IFT56: variants seen among roughly 807,000 people sequenced by gnomAD.
IFT56 encodes intraflagellar transport protein 56.
the IFT56 span, among the ~76,000 whole-genome samples, chr7:139,141,465 A>T: frequency 6.6e-6 from 1 of 152,144 alleles, no homozygotes; most frequent in African/African-American, 2.4e-5. Context: ...ATTATTTCAT[A>T]GGTACTAATG....
the IFT56 span, among the ~76,000 whole-genome samples, chr7:139,163,784 G>A: frequency 6.6e-6 from 1 of 152,122 alleles, no homozygotes; most frequent in African/African-American, 2.4e-5. Context: ...AGAAGTCATG[G>A]GATCAAGAAG....
chr7:139,156,990 C>T, the IFT56 span, among the ~76,000 whole-genome samples: 1 of 152,052 alleles, frequency 6.6e-6, no homozygotes, highest in South Asian at 2.1e-4. Context: ...AACAAGCCTG[C>T]CAAATCCAAA....
At chr7:139,138,592 A>C in the IFT56 span, among the ~76,000 whole-genome samples, 1 of 152,188 alleles carries the variant, frequency 6.6e-6, no homozygotes, top group Non-Finnish European at 1.5e-5. Flanking sequence ...AGCATTTATT[A>C]AGTCAATCTT....
the IFT56 span, among the ~76,000 whole-genome samples, chr7:139,171,244 T>C: frequency 6.6e-6 from 1 of 152,184 alleles, no homozygotes; most frequent in African/African-American, 2.4e-5. Flanking sequence ...GGAGAATCAA[T>C]GTTGTTAAAA....
the IFT56 span, among the ~76,000 whole-genome samples, chr7:139,180,043 T>C: frequency 2.0e-5 from 3 of 152,226 alleles, no homozygotes; most frequent in African/African-American, 7.2e-5. Flanking sequence ...TTTTGGTATA[T>C]TATAGAACTT....
the IFT56 span, among the ~76,000 whole-genome samples, chr7:139,134,373 C>T: frequency 6.6e-6 from 1 of 151,612 alleles, no homozygotes; most frequent in African/African-American, 2.4e-5. Flanking sequence ...TAGGTTCAAG[C>T]GTTTCTTCTG....
the IFT56 span, among the ~76,000 whole-genome samples, chr7:139,185,291 A>T: frequency 2.6e-5 from 4 of 152,054 alleles, no homozygotes; most frequent in Non-Finnish European, 4.4e-5. Flanking sequence ...ACCATCATCA[A>T]CATACACGGT....
chr7:139,164,054 T>A, the IFT56 span, among the ~76,000 whole-genome samples: 150 of 152,346 alleles, frequency 9.8e-4, 1 homozygote, highest in Admixed American at 9.5e-3. Flanking sequence ...AGCTTTTCTC[T>A]GTAACACTTA....
chr7:139,142,582 C>T, the IFT56 span, among the ~76,000 whole-genome samples: 1 of 152,202 alleles, frequency 6.6e-6, no homozygotes, highest in African/African-American at 2.4e-5. Flanking sequence ...GTAATCCCAG[C>T]ACTTTGGGAG....
chr7:139,152,431 C>A, the IFT56 span, among the ~76,000 whole-genome samples: 1 of 152,228 alleles, frequency 6.6e-6, no homozygotes, highest in East Asian at 1.9e-4. Flanking sequence ...CCAATCACTT[C>A]TGATATTATC....
the IFT56 span, chr7:139,166,712 G>A: frequency 5.7e-6 from 3 of 527,920 alleles, no homozygotes; most frequent in Non-Finnish European, 1.1e-5. Flanking sequence ...TGGAGAGTTA[G>A]AAGACAGATA....
chr7:139,177,638 A>C, the IFT56 span, among the ~76,000 whole-genome samples: 1 of 131,926 alleles, frequency 7.6e-6, no homozygotes, highest in Non-Finnish European at 1.5e-5. Context: ...GTGTATATAT[A>C]TCTCAAATGT....
At chr7:139,178,454 A>G in the IFT56 span, 1 of 1,532,750 alleles carries the variant, frequency 6.5e-7, no homozygotes, top group Non-Finnish European at 9.0e-7. Context: ...ATCTGGTATA[A>G]CTGATGGTTA....
At chr7:139,175,891 A>G in the IFT56 span, among the ~76,000 whole-genome samples, 1 of 152,058 alleles carries the variant, frequency 6.6e-6, no homozygotes, top group Non-Finnish European at 1.5e-5. Flanking sequence ...ATGCGGTGGC[A>G]TGATTTCGGC....
At chr7:139,167,867 G>C in the IFT56 span, among the ~76,000 whole-genome samples, 1 of 151,846 alleles carries the variant, frequency 6.6e-6, no homozygotes, top group African/African-American at 2.4e-5. Context: ...CTAAAACCCT[G>C]GGGGTGGAGG....
the IFT56 span, chr7:139,168,193 C>A: frequency 4.5e-6 from 2 of 443,496 alleles, no homozygotes; most frequent in African/African-American, 4.0e-5. Flanking sequence ...TCTCCTAATT[C>A]TTTTATTCAA....
At chr7:139,152,132 T>G in the IFT56 span, among the ~76,000 whole-genome samples, 1 of 152,238 alleles carries the variant, frequency 6.6e-6, no homozygotes, top group Non-Finnish European at 1.5e-5. Flanking sequence ...AAAAAATTTA[T>G]CTACTTATTT....
At chr7:139,168,474 T>C in the IFT56 span, 1 of 1,095,564 alleles carries the variant, frequency 9.1e-7, no homozygotes. Flanking sequence ...ACTATCAAAG[T>C]GCAAGCAGCA....
the IFT56 span, among the ~76,000 whole-genome samples, chr7:139,187,087 C>T: frequency 8.4e-6 from 1 of 119,464 alleles, no homozygotes; most frequent in Non-Finnish European, 1.6e-5. Context: ...GGCGACAGAG[C>T]GAGACTCCGT....
Sources: gnomAD v4.1 joint callset for allele counts (sites outside exome capture counted in the v4.1 genomes callset) on GRCh38, gnomAD v4.1.1 for gene constraint, MANE v1.5 for transcripts, NCBI Gene and HGNC (gene_info 2026-07-23, HGNC 2026-07-21) for gene names.